The following RIT2 variants were observed in gnomAD, a reference collection of about 807,000 sequenced individuals.
RIT2 encodes Ras like without CAAX 2.
Under a neutral mutation model 23.7 loss-of-function variants are expected in RIT2, and 24 were observed. The observed-to-expected ratio is 1.01, with a 90% confidence interval of 0.73 to 1.43. RIT2 has a LOEUF of 1.43. Ranked by LOEUF, RIT2 falls within the 40% of genes most tolerant of loss-of-function variation. The pLI is 0.00. For synonymous variants in RIT2, 107 were observed against 91.1 expected (o/e 1.17, Z -0.99); for missense variants, 236 against 266.9 (o/e 0.88, Z 0.81).
chr18:42,824,757 ATGTGTGTGTG>A (rs113714294), intron 4 of RIT2, among the ~76,000 whole-genome samples: 11 of 148,534 alleles, frequency 7.4e-5, no homozygotes, highest in Non-Finnish European at 1.2e-4. Context: ...CTTTGTGTGT[ATGTGTGTGTG>A]TGTGTGTGTG....
At chr18:43,003,640 C>T (rs1400172111) in intron 2 of RIT2, among the ~76,000 whole-genome samples, 1 of 151,744 alleles carries the variant, frequency 6.6e-6, no homozygotes, top group Non-Finnish European at 1.5e-5. Flanking sequence ...TACGATTCTT[C>T]GATAACCTGT....
At chr18:42,901,983 TG>T (rs973749776) in intron 4 of RIT2, among the ~76,000 whole-genome samples, 1 of 151,954 alleles carries the variant, frequency 6.6e-6, no homozygotes, top group Non-Finnish European at 1.5e-5. Flanking sequence ...GAAATCCAGC[TG>T]TCTTCTTTTA....
chr18:43,087,245 AAAAAT>A (rs1568078366), intron 1 of RIT2, among the ~76,000 whole-genome samples: 1 of 152,080 alleles, frequency 6.6e-6, no homozygotes, highest in East Asian at 1.9e-4. Context: ...CTGTCTCAAA[AAAAAT>A]AAAATAAAAT....
At chr18:43,059,401 A>G (rs1281041451) in intron 1 of RIT2, among the ~76,000 whole-genome samples, 1 of 152,110 alleles carries the variant, frequency 6.6e-6, no homozygotes, top group African/African-American at 2.4e-5. Context: ...AGAGTATTCA[A>G]ATTACAGGGA....
chr18:42,750,759 C>T (rs916355834), intron 4 of RIT2, among the ~76,000 whole-genome samples: 2 of 151,564 alleles, frequency 1.3e-5, no homozygotes, highest in South Asian at 2.1e-4. Context: ...GTTTTTGGTT[C>T]GAAGGTTCGA....
chr18:42,924,314 A>G (rs1909129283), intron 3 of RIT2, among the ~76,000 whole-genome samples: 2 of 152,258 alleles, frequency 1.3e-5, no homozygotes, highest in African/African-American at 2.4e-5. Flanking sequence ...GGAAAAAGTT[A>G]TTAGCATTGA....
At chr18:42,944,324 C>A (rs1909673866) in intron 3 of RIT2, among the ~76,000 whole-genome samples, 2 of 152,112 alleles carry the variant, frequency 1.3e-5, no homozygotes, top group South Asian at 4.1e-4. Flanking sequence ...TGCCATCTAG[C>A]AGACCATCAA....
chr18:42,887,990 G>A (rs1216852172), intron 4 of RIT2, among the ~76,000 whole-genome samples: 1 of 152,108 alleles, frequency 6.6e-6, no homozygotes, highest in Non-Finnish European at 1.5e-5. Flanking sequence ...ATCAGTGGCT[G>A]CTGGAAGTTA....
chr18:42,891,035 A>C (rs2144093490), intron 4 of RIT2, among the ~76,000 whole-genome samples: 1 of 152,298 alleles, frequency 6.6e-6, no homozygotes, highest in Middle Eastern at 3.4e-3. Context: ...GAATCCTCCA[A>C]CAGACATATT....
chr18:42,810,307 T>G (rs1250062748), intron 4 of RIT2, among the ~76,000 whole-genome samples: 1 of 151,738 alleles, frequency 6.6e-6, no homozygotes, highest in East Asian at 1.9e-4. Context: ...TTGCTTGCCT[T>G]TATAGTACAA....
intron 1 of RIT2, among the ~76,000 whole-genome samples, chr18:43,094,886 G>A (rs765535625): frequency 3.5e-5 from 5 of 143,572 alleles, no homozygotes; most frequent in East Asian, 3.9e-4. Flanking sequence ...CAAAGGACAC[G>A]AACTCATTTT....
In RIT2 at chr18:42,923,777, A is replaced by G; in HGVS notation, c.235-14T>C. 1 of 1,582,132 alleles carries G rather than the reference A, an allele frequency of 6.3e-7. No homozygotes were observed. Among genetic ancestry groups the G allele is most frequent in the Non-Finnish European group, 8.6e-7 (1 of 1,169,566 alleles). On this transcript the variant is annotated splice_polypyrimidine_tract_variant and intron_variant, in intron 3 of 4. Coordinates refer to ENST00000326695, the MANE Select transcript of RIT2 (RefSeq NM_002930.4). The stretch of plus-strand genomic sequence containing the variant: ...TGTGAATTCTGCCTGCAGGAAAAAA[A>G]AAAAAAAATTAGTTATGGGCTTTCA...
chr18:42,844,434 A>G (rs571962241), intron 4 of RIT2, among the ~76,000 whole-genome samples: 53 of 152,296 alleles, frequency 3.5e-4, no homozygotes, highest in African/African-American at 1.3e-3. Context: ...AAGACAGATA[A>G]TTTTATTAAG....
intron 3 of RIT2, among the ~76,000 whole-genome samples, chr18:42,947,565 T>C (rs1333091242): frequency 6.6e-6 from 1 of 152,122 alleles, no homozygotes; most frequent in African/African-American, 2.4e-5. Context: ...CTTAGAAATG[T>C]CTTGATAAGG....
At chr18:43,061,324 C>G (rs1407735653) in intron 1 of RIT2, among the ~76,000 whole-genome samples, 1 of 152,040 alleles carries the variant, frequency 6.6e-6, no homozygotes, top group African/African-American at 2.4e-5. Flanking sequence ...TTTTCTAAAA[C>G]TTTTTTGATT....
intron 4 of RIT2, among the ~76,000 whole-genome samples, chr18:42,867,363 T>G (rs1907500010): frequency 6.6e-6 from 1 of 152,044 alleles, no homozygotes; most frequent in South Asian, 2.1e-4. Flanking sequence ...TCTATCAAAC[T>G]CCAAGCAGAT....
intron 1 of RIT2, among the ~76,000 whole-genome samples, chr18:43,065,192 G>A (rs1049991535): frequency 7.6e-6 from 1 of 131,446 alleles, no homozygotes; most frequent in African/African-American, 2.9e-5. Context: ...TATAAGCTCT[G>A]TTCAGCTTCA....
At chr18:43,059,368 A>G (rs1441467436) in intron 1 of RIT2, among the ~76,000 whole-genome samples, 4 of 152,284 alleles carry the variant, frequency 2.6e-5, no homozygotes, top group East Asian at 1.9e-4. Flanking sequence ...ATTCAAAACC[A>G]CAATGTTATT....
intron 2 of RIT2, among the ~76,000 whole-genome samples, chr18:42,997,626 C>T (rs1176637636): frequency 6.6e-6 from 1 of 151,500 alleles, no homozygotes; most frequent in Non-Finnish European, 1.5e-5. Flanking sequence ...TTCACCTACT[C>T]ATTCAAAAAA....
Sources: allele counts gnomAD v4.1 joint callset (sites outside exome capture counted in the v4.1 genomes callset), GRCh38; gene constraint gnomAD v4.1.1; transcripts MANE v1.5; gene names NCBI Gene and HGNC (gene_info 2026-07-23, HGNC 2026-07-21).